Variants in CEP128 observed in about 807,000 individuals in gnomAD.
The protein encoded by CEP128 is centrosomal protein 128kDa.
A neutral mutation model predicts 156.7 loss-of-function variants in CEP128; 132 were observed. That is an observed-to-expected ratio of 0.84 (90% CI 0.73 to 0.97). CEP128 has a LOEUF of 0.97. CEP128 is among the 50% of genes least tolerant of loss of function. The pLI is 0.00. For missense variants in CEP128, 1,252 were observed against 1,281.9 expected, an observed-to-expected ratio of 0.98 and a Z score of 0.36; for synonymous variants, 469 against 448.9, an observed-to-expected ratio of 1.04 and a Z score of -0.57.
chr14:80,588,983 A>G (rs1008062999), intron 19 of CEP128, among the ~76,000 whole-genome samples: 2 of 152,154 alleles, frequency 1.3e-5, no homozygotes, highest in African/African-American at 4.8e-5. Context: ...TAAGAAAGAA[A>G]GTGGGAATTA....
chr14:80,729,464 T>C (rs1446288489), intron 19 of CEP128, among the ~76,000 whole-genome samples: 1 of 152,128 alleles, frequency 6.6e-6, no homozygotes, highest in African/African-American at 2.4e-5. Flanking sequence ...CAATTGCAAA[T>C]TGTGCTGCTA....
At chr14:80,644,106 A>T (rs1894537616) in intron 19 of CEP128, among the ~76,000 whole-genome samples, 1 of 152,202 alleles carries the variant, frequency 6.6e-6, no homozygotes, top group Admixed American at 6.5e-5. Flanking sequence ...AAGTAACGCT[A>T]AAGATTGCCA....
chr14:80,861,037 A>ATATTT (rs1887488505), intron 9 of CEP128, among the ~76,000 whole-genome samples: 2 of 152,058 alleles, frequency 1.3e-5, no homozygotes, highest in African/African-American at 4.8e-5. Context: ...TTCTAAAATG[A>ATATTT]TAGTAACAAA....
At chr14:80,872,465 GC>G (rs1888076150) in intron 8 of CEP128, among the ~76,000 whole-genome samples, 1 of 152,088 alleles carries the variant, frequency 6.6e-6, no homozygotes, top group Admixed American at 6.6e-5. Flanking sequence ...TGTTCCATAA[GC>G]TTTCAAGATA....
chr14:80,553,762 C>A (rs1240607060), intron 21 of CEP128, among the ~76,000 whole-genome samples: 2 of 152,068 alleles, frequency 1.3e-5, no homozygotes, highest in East Asian at 3.9e-4. Flanking sequence ...AGTAAAATAT[C>A]CTGTTTTTTA....
chr14:80,785,820 T>C (rs1296297151), intron 14 of CEP128, among the ~76,000 whole-genome samples: 2 of 152,148 alleles, frequency 1.3e-5, no homozygotes, highest in East Asian at 3.8e-4. Flanking sequence ...CAAATAATTA[T>C]TTAAATGTAA....
intron 8 of CEP128, among the ~76,000 whole-genome samples, chr14:80,876,441 C>CA (rs1407385710): frequency 1.3e-5 from 2 of 151,726 alleles, no homozygotes; most frequent in Non-Finnish European, 2.9e-5. Flanking sequence ...ACTAAAAATA[C>CA]AAAAAATTAG....
At chr14:80,647,577 T>A (rs1477042454) in intron 19 of CEP128, among the ~76,000 whole-genome samples, 1 of 152,046 alleles carries the variant, frequency 6.6e-6, no homozygotes, top group Non-Finnish European at 1.5e-5. Flanking sequence ...GACTCAATAA[T>A]CTAACTTTTG....
chr14:80,552,533 G>T (rs1348808008), intron 21 of CEP128, among the ~76,000 whole-genome samples: 1 of 151,954 alleles, frequency 6.6e-6, no homozygotes, highest in Non-Finnish European at 1.5e-5. Flanking sequence ...CTACTAACAT[G>T]TTTCAATTCC....
chr14:80,721,408 G>A (rs1897811587), intron 19 of CEP128, among the ~76,000 whole-genome samples: 2 of 152,294 alleles, frequency 1.3e-5, no homozygotes, highest in African/African-American at 4.8e-5. Flanking sequence ...CATTTGAAAT[G>A]TGGCTGGTTG....
At chr14:80,586,477 T>C (rs1037608095) in intron 19 of CEP128, among the ~76,000 whole-genome samples, 6 of 151,848 alleles carry the variant, frequency 4.0e-5, no homozygotes, top group Admixed American at 6.6e-5. Context: ...GGTCCAGTAC[T>C]TTTTTTTTCT....
chr14:80,699,080 C>T (rs776258277), intron 19 of CEP128, among the ~76,000 whole-genome samples: 1 of 152,122 alleles, frequency 6.6e-6, no homozygotes, highest in Non-Finnish European at 1.5e-5. Flanking sequence ...ACATAAAATC[C>T]GATAGACCTG....
intron 2 of CEP128, among the ~76,000 whole-genome samples, chr14:80,933,719 C>A (rs1885620515): frequency 6.6e-6 from 1 of 151,988 alleles, no homozygotes; most frequent in Admixed American, 6.5e-5. Context: ...ACAAATACGT[C>A]AAGTAGGAAA....
intron 2 of CEP128, among the ~76,000 whole-genome samples, chr14:80,921,961 C>CA (rs369072626): frequency 0.15 from 19,406 of 131,110 alleles, 1,410 homozygotes; most frequent in Admixed American, 0.18. Context: ...GACTCCATCC[C>CA]AAAAAAAAAA....
intron 20 of CEP128, among the ~76,000 whole-genome samples, chr14:80,567,212 G>T (rs575079374): frequency 6.6e-6 from 1 of 152,058 alleles, no homozygotes; most frequent in Non-Finnish European, 1.5e-5. Flanking sequence ...TTTAGTTTGT[G>T]GTTTTATTAT....
chr14:80,577,464 A>C (rs2371331), intron 20 of CEP128, among the ~76,000 whole-genome samples: 86,826 of 151,916 alleles, frequency 0.57, 25,095 homozygotes, highest in East Asian at 0.72. Context: ...ATCGAGAAAC[A>C]CAAGAATCAT....
downstream of CEP128, among the ~76,000 whole-genome samples, chr14:80,495,000 C>A (rs1887444563): frequency 6.6e-6 from 1 of 152,118 alleles, no homozygotes; most frequent in Non-Finnish European, 1.5e-5. Context: ...CCCCCTGTAG[C>A]CTTCAGCAAC....
exon 15 of CEP128, chr14:80,477,300 A>G (rs556487237): frequency 2.0e-5 from 3 of 152,290 alleles, no homozygotes; most frequent in East Asian, 1.9e-4. Flanking sequence ...GGCCCATATT[A>G]AGGTTTCTTT....
At chr14:80,732,165 C>T (rs1185506211) in intron 19 of CEP128, among the ~76,000 whole-genome samples, 1 of 151,952 alleles carries the variant, frequency 6.6e-6, no homozygotes, top group African/African-American at 2.4e-5. Context: ...GAGATTAAAA[C>T]CTAGTATTAA....
Sources: gnomAD v4.1 joint callset for allele counts (sites outside exome capture counted in the v4.1 genomes callset) on GRCh38, gnomAD v4.1.1 for gene constraint, MANE v1.5 for transcripts, NCBI Gene and HGNC (gene_info 2026-07-23, HGNC 2026-07-21) for gene names.